The following ADAMTS10 variants were observed in gnomAD, a reference collection of about 807,000 sequenced individuals.
The protein encoded by ADAMTS10 is ADAM metallopeptidase with thrombospondin type 1 motif 10.
A neutral mutation model predicts 135.9 loss-of-function variants in ADAMTS10; 48 were observed. The observed-to-expected ratio is 0.35, with a 90% confidence interval of 0.28 to 0.45. ADAMTS10 has a LOEUF of 0.45. Among genes scored for constraint, ADAMTS10 ranks in the 20% least tolerant of loss-of-function variants. The pLI is 1.00. For missense variants in ADAMTS10, 1,131 were observed against 1,565.2 expected (o/e 0.72, Z 4.68); for synonymous variants, 621 against 647.5 (o/e 0.96, Z 0.62).
intron 13 of ADAMTS10, 135 bp from the exon 14 acceptor site, chr19:8,592,238 C>G (rs1357836431): frequency 6.9e-7 from 1 of 1,455,666 alleles, no homozygotes. Flanking sequence ...TCTGAACATG[C>G]GAACAGAGTC....
At chr19:8,587,473 T>C (rs1213335699) in intron 18 of ADAMTS10, among the ~76,000 whole-genome samples, 6 of 143,068 alleles carry the variant, frequency 4.2e-5, no homozygotes, top group African/African-American at 1.5e-4. Context: ...CTGGCCAGCT[T>C]TTTTTTTTTT....
rs1394687896 is a variant in ADAMTS10, at chr19:8,581,759, C to T, written c.3203-757G>A. Among the ~76,000 whole-genome samples, 10 of 151,380 alleles carry T rather than the reference C, an allele frequency of 6.6e-5. No individual in the cohort carries two copies. The South Asian group carries it at 8.3e-4, about 13-fold the overall frequency. On this transcript the variant is annotated intron_variant, in intron 25 of 25. Transcript: ENST00000597188. The stretch of plus-strand genomic sequence containing the variant: ...CTGAGGCAGGAGAATTGCCTGAACC[C>T]GGGAGGCAGAGGTTTCAGTGAGCCG...
chr19:8,593,535 T>C (rs1291808425), intron 12 of ADAMTS10: 9 of 152,708 alleles, frequency 5.9e-5, no homozygotes, highest in Non-Finnish European at 1.3e-4. Flanking sequence ...GTGTGGGACA[T>C]GCCTCTCTTT....
In ADAMTS10 at chr19:8,591,662, G is replaced by T. The variant is rs1555738907; in HGVS notation, c.1797+138C>A. On this transcript the variant is annotated intron_variant, in intron 15 of 25. Transcript: ENST00000597188. ...TCACTATGTTAGCCAGGATGGTCTC[G>T]ATCTCCTGACCTCGTGATCCGCCTG... The T allele has an allele frequency of 4.0e-6, 4 of 994,782 alleles. No individual in the cohort carries two copies. In the African/African-American group the frequency reaches 4.8e-5, roughly 12 times the overall value. The allele number at this position is 994,782 out of a possible 1,614,324, so 61.6% of individuals were successfully genotyped here.
At chr19:8,581,670 AC>A (rs2042352112) in intron 25 of ADAMTS10, among the ~76,000 whole-genome samples, 1 of 151,904 alleles carries the variant, frequency 6.6e-6, no homozygotes, top group Non-Finnish European at 1.5e-5. Context: ...CCCCATCTCT[AC>A]TAAAAATATA....
chr19:8,601,182 CT>C lies in ADAMTS10; in HGVS notation c.593-38del. On this transcript the variant is annotated intron_variant, in intron 5 of 25. Coordinates refer to ENST00000597188, the MANE Select transcript of ADAMTS10 (RefSeq NM_030957.4). The surrounding 1 kb of genome is among the most constrained non-coding windows in gnomAD (Gnocchi z 4.6). ...AGTAGAGCAATTAAGCCCTGCCCTG[CT>C]GGTGGGACGCAGAGCTGCCTGACAA... 1.9e-6 allele frequency: 3 copies of C among 1,605,610 alleles called. No individual in the cohort carries two copies. Among genetic ancestry groups the C allele is most frequent in the Non-Finnish European group, 2.5e-6 (3 of 1,177,688 alleles).
At chr19:8,595,708 A>ACCCCCC in intron 12 of ADAMTS10, 54 bp downstream of exon 12, 1 of 563,852 alleles carries the variant, frequency 1.8e-6, no homozygotes, top group Non-Finnish European at 2.7e-6. Context: ...TCCCTCCCCC[A>ACCCCCC]GCCCCAGCGG....
At chr19:8,600,737 A>C (rs549472599) in intron 6 of ADAMTS10, among the ~76,000 whole-genome samples, 191 bp downstream of exon 6, 144 of 151,988 alleles carry the variant, frequency 9.5e-4, no homozygotes, top group Admixed American at 8.3e-3. Context: ...TGACCTTGTG[A>C]TCTGCCCGCC....
At chr19:8,588,255 A>T (rs565809893) in intron 18 of ADAMTS10, among the ~76,000 whole-genome samples, 271 of 147,710 alleles carry the variant, frequency 1.8e-3, no homozygotes, top group African/African-American at 5.9e-3. Context: ...CTCAAAAAAA[A>T]TTTTTTTTTT....
chr19:8,580,460 A>C lies in ADAMTS10; in HGVS notation c.*433T>G. ...TACCCCCCCCCCTCCCATAGCAGACACAGATTCCCCCCCAGCTCGGAGTGG... is the reference window on the plus strand; with the variant it reads ...TACCCCCCCCCCTCCCATAGCAGACCCAGATTCCCCCCCAGCTCGGAGTGG... On this transcript the variant is annotated 3_prime_UTR_variant, in exon 26 of 26. Coordinates refer to ENST00000597188, the MANE Select transcript of ADAMTS10 (RefSeq NM_030957.4). The C allele has an allele frequency of 1.2e-5, 2 of 168,708 alleles. No homozygotes were observed. Among genetic ancestry groups the C allele is most frequent in the Non-Finnish European group, 1.3e-5 (1 of 77,148 alleles). The allele number at this position is 168,708 out of a possible 1,614,324, so 10.5% of individuals were successfully genotyped here.
chr19:8,608,849 C>T (rs2042749784), intron 1 of ADAMTS10, among the ~76,000 whole-genome samples: 1 of 151,772 alleles, frequency 6.6e-6, no homozygotes, highest in Admixed American at 6.6e-5. Context: ...GTGGAAGGAC[C>T]CAGCACAGGG....
At chr19:8,600,845 G>A (rs2042662122) in intron 6 of ADAMTS10, 83 bp downstream of exon 6, 3 of 1,532,246 alleles carry the variant, frequency 2.0e-6, no homozygotes, top group African/African-American at 2.7e-5. Flanking sequence ...ATTGGGGTGG[G>A]ATGGTAGCCA....
At position 8,597,837 on chromosome 19, in the gene ADAMTS10, C is replaced by G. The variant is rs187664872; in HGVS notation, c.811-520G>C. Among the ~76,000 whole-genome samples the G allele has an allele frequency of 3.2e-4, 49 of 151,506 alleles. 1 individual carries two copies. The highest frequency in any genetic ancestry group is 1.1e-3 in the African/African-American group (46 of 41,272). ...TTTTTTTTTGAGACAGAGTTTTGCT[C>G]TTTTTGTCTAGGGTGGAGTACAATG... On this transcript the variant is annotated intron_variant, in intron 6 of 25. Coordinates refer to ENST00000597188, the MANE Select transcript of ADAMTS10 (RefSeq NM_030957.4).
rs368423387 is a variant in ADAMTS10, at chr19:8,589,865, C to T, written c.1900+24G>A. 28 of 1,605,170 alleles carry T rather than the reference C, an allele frequency of 1.7e-5. No individual in the cohort carries two copies. The African/African-American group carries it at 3.5e-4, about 20-fold the overall frequency. On this transcript the variant is annotated intron_variant, in intron 16 of 25. Coordinates refer to ENST00000597188, the MANE Select transcript of ADAMTS10 (RefSeq NM_030957.4). ...CCCACGGCTGCCCTTCACGGCCCCA[C>T]AGCCTTTGGAGTCCCACACTCACCT...
intron 13 of ADAMTS10, among the ~76,000 whole-genome samples, 159 bp downstream of exon 13, chr19:8,592,604 A>T (rs1328265993): frequency 6.6e-6 from 1 of 151,380 alleles, no homozygotes; most frequent in Non-Finnish European, 1.5e-5. Flanking sequence ...GGGAAGGAGC[A>T]AGCAGTAGGC....
At position 8,605,304 on chromosome 19, in the gene ADAMTS10, T is replaced by C. The variant is rs1220521714; in HGVS notation, c.143A>G (p.Asp48Gly). The change falls in exon 4 of 26, where the codon GAC (aspartate) becomes GGC (glycine). Residue 48 changes from aspartate (D) to glycine (G), a missense_variant. Coordinates refer to ENST00000597188, the MANE Select transcript of ADAMTS10 (RefSeq NM_030957.4). The surrounding 1 kb of genome is among the most constrained non-coding windows in gnomAD (Gnocchi z 7.7). ...SYEIAFPTRV[D>G]HNGALLAFSP... ...GAAGGCCAGCAGTGCCCCGTTGTGG[T>C]CCACGCGGGTGGGGAAGGCGATCTC... 3 of 1,611,618 alleles carry C rather than the reference T, an allele frequency of 1.9e-6. No individual in the cohort carries two copies. The highest frequency in any genetic ancestry group is 2.5e-6 in the Non-Finnish European group (3 of 1,179,070).
rs1555738493 is a variant in ADAMTS10, at chr19:8,589,916, A to G, written c.1873T>C (p.Phe625Leu). ...CCCCGGTACGTTTTCCACTTGTAGAATTTCCCACGGAAAGGGATGCTGTCA... is the reference window on the plus strand; with the variant it reads ...CCCCGGTACGTTTTCCACTTGTAGAGTTTCCCACGGAAAGGGATGCTGTCA... Reference protein sequence around the residue: ...EFDSIPFRGKFYKWKTYRGGG... With the variant: ...EFDSIPFRGKLYKWKTYRGGG... Residue 625 changes from phenylalanine to leucine, a missense_variant, in exon 16 of 26, where the codon TTC (phenylalanine) becomes CTC (leucine). Physicochemically the swap from Phe to Leu is conservative, Grantham distance 22. Coordinates refer to ENST00000597188, the MANE Select transcript of ADAMTS10 (RefSeq NM_030957.4). The G allele has an allele frequency of 1.2e-6, 2 of 1,614,108 alleles. No homozygotes were observed. The highest frequency in any genetic ancestry group is 1.7e-5 in the Admixed American group (1 of 60,014).
chr19:8,589,626 C>T, intron 16 of ADAMTS10, 41 bp from the exon 17 acceptor site: 1 of 1,611,646 alleles, frequency 6.2e-7, no homozygotes, highest in East Asian at 2.2e-5. Context: ...CCAGGCCACC[C>T]CGGAACTCTT....
At chr19:8,595,698 T>TGCCCA in intron 12 of ADAMTS10, 64 bp downstream of exon 12, 7 of 1,291,936 alleles carry the variant, frequency 5.4e-6, no homozygotes, top group East Asian at 3.2e-5. Context: ...CTGGTGGAGT[T>TGCCCA]CCCTCCCCCA....
Sources: gnomAD v4.1 joint callset for allele counts (sites outside exome capture counted in the v4.1 genomes callset) on GRCh38, gnomAD v4.1.1 for gene constraint, Gnocchi (gnomAD v3.1) non-coding constraint, MANE v1.5 for transcripts, NCBI Gene and HGNC (gene_info 2026-07-23, HGNC 2026-07-21) for gene names.